Variants in EFCAB14 observed in about 807,000 individuals in gnomAD.
EFCAB14 encodes the protein EF-hand calcium binding domain 14.
EFCAB14 carries 43 observed loss-of-function variants against 56.5 expected under a neutral mutation model. The observed-to-expected ratio is 0.76, with a 90% CI of 0.60 to 0.98. The LOEUF is 0.98. EFCAB14 is among the 50% of genes least tolerant of loss of function. The pLI is 0.00. For missense variants in EFCAB14, 538 were observed against 580.3 expected (o/e 0.93, Z 0.75); for synonymous variants, 235 against 212.9 (o/e 1.10, Z -0.90).
At chr1:46,705,225 A>G (rs1283944141) in intron 3 of EFCAB14, among the ~76,000 whole-genome samples, 1 of 152,160 alleles carries the variant, frequency 6.6e-6, no homozygotes, top group East Asian at 1.9e-4. Flanking sequence ...CCCATCACCA[A>G]TGCTCTGGGC....
At chr1:46,682,246 C>A (rs1477434705) in intron 10 of EFCAB14, 1 of 152,246 alleles carries the variant, frequency 6.6e-6, no homozygotes, top group Middle Eastern at 3.4e-3. Context: ...ACAGGAGGAG[C>A]CTAATCCAGT....
At chr1:46,703,126 TG>T (rs1370087402) in intron 3 of EFCAB14, among the ~76,000 whole-genome samples, 1 of 152,110 alleles carries the variant, frequency 6.6e-6, no homozygotes, top group Non-Finnish European at 1.5e-5. Flanking sequence ...TTTTTTTTTT[TG>T]AGACAGAGTC....
intron 2 of EFCAB14, among the ~76,000 whole-genome samples, chr1:46,713,114 T>C (rs1677333215): frequency 1.3e-5 from 2 of 152,180 alleles, no homozygotes; most frequent in Admixed American, 6.5e-5. Flanking sequence ...ATTGGTTCCA[T>C]TTAGTCAAGA....
Position 46,683,428 on chromosome 1 carries a change from G to C in EFCAB14, c.1187-3C>G. The C allele has an allele frequency of 1.2e-6, 2 of 1,612,496 alleles. No homozygotes were observed. The highest frequency in any genetic ancestry group is 1.7e-6 in the Non-Finnish European group (2 of 1,179,482). ...TGATGTGAAACTCTCTACTTGCTCT[G>C]TAACAAATACATAAGGTTTTATTTA... On this transcript the variant is annotated splice_region_variant and splice_polypyrimidine_tract_variant and intron_variant, in intron 9 of 10. Transcript: ENST00000371933.
At chr1:46,715,986 G>A (rs1008709984) in intron 2 of EFCAB14, among the ~76,000 whole-genome samples, 1 of 151,602 alleles carries the variant, frequency 6.6e-6, no homozygotes, top group Non-Finnish European at 1.5e-5. Flanking sequence ...GGTGGCTCAC[G>A]CCTGTAATCC....
rs1677427483 is a variant in EFCAB14 at position 46,718,170 on chromosome 1, CT to C, written c.-84del. 1 of 1,478,742 alleles carries C rather than the reference CT, an allele frequency of 6.8e-7. No homozygotes were observed. The allele number at this position is 1,478,742 out of a possible 1,614,324, so 91.6% of individuals were successfully genotyped here. A position where few individuals can be genotyped will look rare whatever the true frequency, so the allele number is the denominator to read the frequency against. On this transcript the variant is annotated 5_prime_UTR_variant, in exon 1 of 11. Transcript: ENST00000371933. ...GCCCAATTCTCTTCCTGCCTTGGAG[CT>C]GCCTTCCAGGGTTGGGAATCCTGGG...
chr1:46,707,104 C>G (rs142486855), intron 3 of EFCAB14, among the ~76,000 whole-genome samples: 1 of 152,330 alleles, frequency 6.6e-6, no homozygotes, highest in Non-Finnish European at 1.5e-5. Flanking sequence ...CTGGCTCATT[C>G]TGAACTTTGT....
chr1:46,690,291 C>T (rs538755247), intron 5 of EFCAB14, among the ~76,000 whole-genome samples: 1 of 152,304 alleles, frequency 6.6e-6, no homozygotes, highest in African/African-American at 2.4e-5. Context: ...TTTATATACA[C>T]TTTTCCTTTA....
chr1:46,686,664 GT>G, intron 8 of EFCAB14, 119 bp downstream of exon 8: 1 of 972,058 alleles, frequency 1.0e-6, no homozygotes, highest in East Asian at 2.6e-5. Flanking sequence ...TAATTGCTTT[GT>G]TTTGAAGTTT....
rs1676681889 is a variant in EFCAB14 at position 46,675,587 on chromosome 1, G to C, written c.*2874C>G. On this transcript the variant is annotated 3_prime_UTR_variant, in exon 11 of 11. Transcript: ENST00000371933. ...GTGACCGGCAGGACCAGCAAGGGGG[G>C]GTGTTGAAGGGGTTATGAACAGCAA... The C allele has an allele frequency of 6.6e-6, 1 of 152,572 alleles. No individual in the cohort carries two copies. Among genetic ancestry groups the C allele is most frequent in the African/African-American group, 2.4e-5 (1 of 41,432 alleles). The allele number at this position is 152,572 out of a possible 1,614,324, so 9.5% of individuals were successfully genotyped here. A position where few individuals can be genotyped will look rare whatever the true frequency, so the allele number is the denominator to read the frequency against.
intron 3 of EFCAB14, among the ~76,000 whole-genome samples, chr1:46,700,825 G>T (rs1302011445): frequency 1.3e-5 from 2 of 152,130 alleles, no homozygotes; most frequent in Non-Finnish European, 2.9e-5. Context: ...TATATTGAAT[G>T]ACCTTATTTA....
At chr1:46,715,206 A>G (rs1201135877) in intron 2 of EFCAB14, among the ~76,000 whole-genome samples, 1 of 152,234 alleles carries the variant, frequency 6.6e-6, no homozygotes, top group Non-Finnish European at 1.5e-5. Flanking sequence ...CTTTTAGATT[A>G]CTGACCAAGT....
rs1209730136 is a variant in EFCAB14, at chr1:46,691,925, TG to T, written c.591del (p.Ile198LeufsTer5). ...TVEGLQKSVA[S>X]IGNTLNSVHL... Reference sequence around the variant, plus strand: ...TGGACGCTGTTTAAAGTATTGCCAATGGAAGCTACACTCTGAATGGAAACAT... The same window carrying T: ...TGGACGCTGTTTAAAGTATTGCCAATGAAGCTACACTCTGAATGGAAACAT... On this transcript the variant is annotated frameshift_variant, in exon 5 of 11. Transcript: ENST00000371933. LOFTEE classifies it high-confidence loss of function. 6.2e-7 allele frequency: 1 copy of T among 1,613,056 alleles called. No homozygotes were observed.
At chr1:46,710,960 G>A (rs898320644) in intron 2 of EFCAB14, among the ~76,000 whole-genome samples, 2 of 152,112 alleles carry the variant, frequency 1.3e-5, no homozygotes, top group East Asian at 1.9e-4. Context: ...CCATATTGCT[G>A]AGAATGACAG....
chr1:46,684,665 T>C, intron 8 of EFCAB14, 63 bp from the exon 9 acceptor site: 1 of 1,342,400 alleles, frequency 7.4e-7, no homozygotes, highest in South Asian at 1.2e-5. Flanking sequence ...AAGTGTCCAC[T>C]GTATTCCCAG....
chr1:46,697,618 C>T (rs371977195), intron 3 of EFCAB14, among the ~76,000 whole-genome samples: 1 of 152,090 alleles, frequency 6.6e-6, no homozygotes, highest in South Asian at 2.1e-4. Flanking sequence ...GTGGTAGGCA[C>T]TGGGGGGTGT....
chr1:46,711,883 C>T (rs1417353844), intron 2 of EFCAB14, among the ~76,000 whole-genome samples: 1 of 152,134 alleles, frequency 6.6e-6, no homozygotes, highest in Non-Finnish European at 1.5e-5. Flanking sequence ...TGTGTCCATC[C>T]CTGCACCGGC....
chr1:46,690,322 C>T (rs1676970922), intron 5 of EFCAB14, among the ~76,000 whole-genome samples: 1 of 152,172 alleles, frequency 6.6e-6, no homozygotes, highest in Non-Finnish European at 1.5e-5. Flanking sequence ...CTTTGCATGG[C>T]TTAACCCTTC....
At chr1:46,716,972 GA>G (rs1677405946) in intron 1 of EFCAB14, among the ~76,000 whole-genome samples, 1 of 152,212 alleles carries the variant, frequency 6.6e-6, no homozygotes, top group African/African-American at 2.4e-5. Flanking sequence ...CAGAAGTAAG[GA>G]AACATAGAAG....
Sources: allele counts gnomAD v4.1 joint callset (sites outside exome capture counted in the v4.1 genomes callset), GRCh38; gene constraint gnomAD v4.1.1; transcripts MANE v1.5; gene names NCBI Gene and HGNC (gene_info 2026-07-23, HGNC 2026-07-21).